SCFD2: variants seen among roughly 807,000 people sequenced by gnomAD.
The protein encoded by SCFD2 is sec1 family domain containing 2.
In SCFD2, 54 loss-of-function variants were observed where a neutral mutation model predicts 58.9. The observed-to-expected ratio is 0.92, with a 90% CI of 0.74 to 1.15. SCFD2 has a LOEUF of 1.15. Among genes scored for constraint, SCFD2 ranks in the 50% most tolerant of loss-of-function variants. SCFD2 has a pLI of 0.00. For missense variants in SCFD2, 805 were observed against 836.6 expected, an observed-to-expected ratio of 0.96 and a Z score of 0.47; for synonymous variants, 321 against 335.9, an observed-to-expected ratio of 0.96 and a Z score of 0.49.
intron 3 of SCFD2, among the ~76,000 whole-genome samples, chr4:53,294,421 T>C (rs1377809724): frequency 2.6e-5 from 4 of 152,256 alleles, no homozygotes; most frequent in African/African-American, 4.8e-5. Context: ...TTCATGTTCG[T>C]TGGCTGCATA....
intron 4 of SCFD2, among the ~76,000 whole-genome samples, chr4:53,248,601 G>C (rs201235117): frequency 3.9e-5 from 6 of 152,202 alleles, no homozygotes; most frequent in Non-Finnish European, 7.3e-5. Flanking sequence ...GCCTCCTCAA[G>C]TGGGTCCCTG....
rs370580950 is a variant in SCFD2 at position 53,352,789 on chromosome 4, G to A, written c.839-23C>T. 8.8e-6 allele frequency: 14 copies of A among 1,590,704 alleles called. No homozygotes were observed. In the African/African-American group the frequency reaches 1.7e-4, roughly 20 times the overall value. On this transcript the variant is annotated intron_variant, in intron 1 of 8. Coordinates refer to ENST00000401642, the MANE Select transcript of SCFD2 (RefSeq NM_152540.4). ...CTCCTGTTTAAGCAGACAAGATGAT[G>A]TAAATTCATAAAATGGGAGGAAAAA...
intron 4 of SCFD2, among the ~76,000 whole-genome samples, chr4:53,257,068 T>A (rs1039113276): frequency 1.3e-5 from 2 of 151,992 alleles, no homozygotes; most frequent in African/African-American, 4.8e-5. Flanking sequence ...AGTTTCTCTA[T>A]GTAACAAACC....
At chr4:52,965,808 A>G (rs777571491) in intron 5 of SCFD2, among the ~76,000 whole-genome samples, 1 of 152,230 alleles carries the variant, frequency 6.6e-6, no homozygotes, top group Non-Finnish European at 1.5e-5. Context: ...TCATTCTTTC[A>G]TAGTCATAAT....
chr4:53,159,376 A>G (rs373807183), intron 4 of SCFD2, among the ~76,000 whole-genome samples: 3 of 152,202 alleles, frequency 2.0e-5, no homozygotes, highest in African/African-American at 7.2e-5. Flanking sequence ...CAAAATATAC[A>G]TCGAGTCTAC....
intron 5 of SCFD2, among the ~76,000 whole-genome samples, chr4:52,966,665 T>C (rs1048144916): frequency 2.6e-5 from 4 of 152,224 alleles, no homozygotes; most frequent in African/African-American, 9.6e-5. Flanking sequence ...GTGACAATAG[T>C]ATAAAGATTT....
At chr4:53,268,598 G>A (rs1731064358) in intron 4 of SCFD2, among the ~76,000 whole-genome samples, 1 of 152,144 alleles carries the variant, frequency 6.6e-6, no homozygotes, top group African/African-American at 2.4e-5. Context: ...GAATGAGGAG[G>A]GTATCTGTGC....
At chr4:53,154,859 A>T (rs76398382) in intron 4 of SCFD2, among the ~76,000 whole-genome samples, 398 of 152,302 alleles carry the variant, frequency 2.6e-3, no homozygotes, top group African/African-American at 9.2e-3. Context: ...ATGATGAAGA[A>T]TCAGAGAGAT....
intron 5 of SCFD2, among the ~76,000 whole-genome samples, chr4:52,965,468 G>T (rs554915665): frequency 6.6e-6 from 1 of 152,260 alleles, no homozygotes; most frequent in African/African-American, 2.4e-5. Context: ...CCACAGAGTG[G>T]TGTCCCGTAA....
At chr4:53,009,340 G>T (rs964665748) in intron 5 of SCFD2, among the ~76,000 whole-genome samples, 4 of 152,148 alleles carry the variant, frequency 2.6e-5, no homozygotes, top group African/African-American at 9.7e-5. Context: ...GGTCAAATGA[G>T]TTTGGTAAAT....
chr4:53,331,091 T>G (rs1477068617), intron 2 of SCFD2, among the ~76,000 whole-genome samples: 2 of 151,768 alleles, frequency 1.3e-5, no homozygotes, highest in Non-Finnish European at 2.9e-5. Context: ...CCGAGATTCA[T>G]AAAGCAAGTC....
intron 4 of SCFD2, among the ~76,000 whole-genome samples, chr4:53,186,358 T>C (rs1239223236): frequency 6.6e-6 from 1 of 152,108 alleles, no homozygotes; most frequent in Non-Finnish European, 1.5e-5. Flanking sequence ...TGCTTCTCTT[T>C]CTTGTCATTA....
chr4:53,070,046 A>G (rs1723773771), intron 5 of SCFD2, among the ~76,000 whole-genome samples: 2 of 152,054 alleles, frequency 1.3e-5, no homozygotes, highest in South Asian at 4.1e-4. Flanking sequence ...CAATGTTGAC[A>G]TCTGGCTTTC....
At chr4:53,028,958 G>A (rs114880911) in intron 5 of SCFD2, among the ~76,000 whole-genome samples, 5 of 152,186 alleles carry the variant, frequency 3.3e-5, no homozygotes, top group African/African-American at 7.2e-5. Flanking sequence ...ATTGACAAAC[G>A]CATGTTACAC....
At chr4:53,248,299 G>C (rs1481154748) in intron 4 of SCFD2, among the ~76,000 whole-genome samples, 8 of 152,196 alleles carry the variant, frequency 5.3e-5, no homozygotes, top group Admixed American at 2.6e-4. Context: ...GCAGATGCTA[G>C]CACAGCAGTC....
At chr4:53,251,683 AC>A (rs1206614484) in intron 4 of SCFD2, among the ~76,000 whole-genome samples, 5 of 151,822 alleles carry the variant, frequency 3.3e-5, no homozygotes, top group African/African-American at 9.7e-5. Context: ...AAATTCAACA[AC>A]CCTTCATGCT....
intron 2 of SCFD2, among the ~76,000 whole-genome samples, chr4:53,342,215 C>T (rs772332277): frequency 9.2e-5 from 14 of 152,110 alleles, no homozygotes; most frequent in Non-Finnish European, 1.5e-4. Flanking sequence ...CGAGACCCAA[C>T]TCACGTGCAG....
At chr4:52,919,286 C>G (rs1022352067) in intron 6 of SCFD2, among the ~76,000 whole-genome samples, 2 of 152,164 alleles carry the variant, frequency 1.3e-5, no homozygotes, top group African/African-American at 4.8e-5. Flanking sequence ...TGCTTCTTGA[C>G]ATTTTTGGTC....
intron 5 of SCFD2, among the ~76,000 whole-genome samples, chr4:53,012,001 CT>C (rs11297946): frequency 0.64 from 86,726 of 136,560 alleles, 27,526 homozygotes; most frequent in Non-Finnish European, 0.68. Flanking sequence ...AGGTTTTAGG[CT>C]TTTTTTTTTT....
Sources: gnomAD v4.1 joint callset for allele counts (sites outside exome capture counted in the v4.1 genomes callset) on GRCh38, gnomAD v4.1.1 for gene constraint, MANE v1.5 for transcripts, NCBI Gene and HGNC (gene_info 2026-07-23, HGNC 2026-07-21) for gene names.